The following LDLRAP1 variants were observed in gnomAD, a reference collection of about 807,000 sequenced individuals.
LDLRAP1 encodes low density lipoprotein receptor adapter protein 1.
Under a neutral mutation model 37.8 loss-of-function variants are expected in LDLRAP1, and 30 were observed. The ratio of observed to expected loss-of-function variants is 0.79; its 90% CI spans 0.59 to 1.08. LDLRAP1 has a LOEUF of 1.08. LDLRAP1 is among the 50% of genes least tolerant of loss of function. The pLI is 0.00. For missense variants in LDLRAP1, 375 were observed against 401.6 expected (o/e 0.93, Z 0.57); for synonymous variants, 156 against 169.8 (o/e 0.92, Z 0.63).
chr1:25,544,490 C>T lies in LDLRAP1; in HGVS notation c.88+704C>T, dbSNP rs1160232807. On this transcript the variant is annotated intron_variant, in intron 1 of 8. Transcript: ENST00000374338. This position sits in a 1 kb window ranked among gnomAD's most constrained non-coding sequence, Gnocchi z 4.8. Reference sequence around the variant, plus strand: ...ACTATTTTTGAAACCTGTTTTCTCTCGCACCTTTCCCCTCGGGCTTCCAGA... The same window carrying T: ...ACTATTTTTGAAACCTGTTTTCTCTTGCACCTTTCCCCTCGGGCTTCCAGA... Among the ~76,000 whole-genome samples, 4 of 152,222 alleles carry T rather than the reference C, an allele frequency of 2.6e-5. No homozygotes were observed. The highest frequency in any genetic ancestry group is 9.6e-5 in the African/African-American group (4 of 41,466).
rs2044540392 is a variant in LDLRAP1 at position 25,568,389 on chromosome 1, T to A, written c.*1397T>A. 6.6e-6 allele frequency: 1 copy of A among 152,290 alleles called. No individual in the cohort carries two copies. The highest frequency in any genetic ancestry group is 1.5e-5 in the Non-Finnish European group (1 of 68,078). The allele number at this position is 152,290 out of a possible 1,614,324, so 9.4% of individuals were successfully genotyped here. A position where few individuals can be genotyped will look rare whatever the true frequency, so the allele number is the denominator to read the frequency against. ...TTTCCTTCCTCCCCTTTTGCCCCCG[T>A]GGGGCTCCCGGCATCCTGAAAGCCA... On this transcript the variant is annotated 3_prime_UTR_variant, in exon 9 of 9. Transcript: ENST00000374338.
the LDLRAP1 span, among the ~76,000 whole-genome samples, chr1:25,582,332 A>T: frequency 2.6e-5 from 4 of 152,334 alleles, no homozygotes; most frequent in East Asian, 5.8e-4. Flanking sequence ...CACGCCTGTA[A>T]TCCCAGCACT....
Position 25,554,832 on chromosome 1 carries a change from A to G in LDLRAP1, c.232-28A>G. ...GGTGGGTCTCAAGTGAGGCTGGCAG[A>G]CTCCTCTGACTCCTGTCTGCTCCCA... On this transcript the variant is annotated intron_variant, in intron 2 of 8. Coordinates refer to ENST00000374338, the MANE Select transcript of LDLRAP1 (RefSeq NM_015627.3). This position sits in a 1 kb window ranked among gnomAD's most constrained non-coding sequence, Gnocchi z 5.4. The G allele has an allele frequency of 6.3e-7, 1 of 1,578,086 alleles. No homozygotes were observed. Among genetic ancestry groups the G allele is most frequent in the Non-Finnish European group, 8.7e-7 (1 of 1,149,016 alleles).
the LDLRAP1 span, among the ~76,000 whole-genome samples, chr1:25,582,980 G>A: frequency 6.6e-6 from 1 of 151,486 alleles, no homozygotes; most frequent in African/African-American, 2.4e-5. Context: ...GCTGAGGCAG[G>A]AGAATCACTT....
downstream of LDLRAP1, among the ~76,000 whole-genome samples, chr1:25,571,552 ATTG>A (rs1282822004): frequency 6.6e-6 from 1 of 152,190 alleles, no homozygotes; most frequent in Admixed American, 6.5e-5. Flanking sequence ...GCTTGCACGT[ATTG>A]TTAGCCCATT....
chr1:25,548,157 A>G (rs982432920), intron 1 of LDLRAP1, among the ~76,000 whole-genome samples: 1 of 152,136 alleles, frequency 6.6e-6, no homozygotes, highest in Non-Finnish European at 1.5e-5. Context: ...ACACTGATCT[A>G]TCCTGGACTC....
At chr1:25,588,724 C>T in the LDLRAP1 span, among the ~76,000 whole-genome samples, 5 of 152,098 alleles carry the variant, frequency 3.3e-5, no homozygotes, top group Admixed American at 6.5e-5. Context: ...TTTTCTTTCT[C>T]TATACTTTGT....
At chr1:25,579,863 C>T in the LDLRAP1 span, among the ~76,000 whole-genome samples, 7 of 152,178 alleles carry the variant, frequency 4.6e-5, no homozygotes, top group Non-Finnish European at 1.0e-4. Flanking sequence ...TGGATTTTCC[C>T]TTCCTTCAGC....
Position 25,544,680 on chromosome 1 carries a change from G to A in LDLRAP1, c.88+894G>A, listed in dbSNP as rs1006360032. Among the ~76,000 whole-genome samples the A allele has an allele frequency of 6.6e-6, 1 of 152,124 alleles. No homozygotes were observed. Among genetic ancestry groups the A allele is most frequent in the Non-Finnish European group, 1.5e-5 (1 of 68,040 alleles). ...CTGAAGCCAGAAGACCCAGCCTAGCGCAGGTCTCGTTGTTTGGGAGGGAGA... is the reference window on the plus strand; with the variant it reads ...CTGAAGCCAGAAGACCCAGCCTAGCACAGGTCTCGTTGTTTGGGAGGGAGA... On this transcript the variant is annotated intron_variant, in intron 1 of 8. Transcript: ENST00000374338. The surrounding 1 kb of genome is among the most constrained non-coding windows in gnomAD (Gnocchi z 4.8).
At chr1:25,560,223 AGGATGTTGAGGGCCTTGAATCG>A (rs1355864556) in intron 4 of LDLRAP1, among the ~76,000 whole-genome samples, 14 of 152,050 alleles carry the variant, frequency 9.2e-5, no homozygotes, top group Non-Finnish European at 2.1e-4. Flanking sequence ...GCCTTGAATC[AGGATGTTGAGGGCCTTGAATCG>A]GGATGTTGAC....
chr1:25,589,654 T>C, the LDLRAP1 span, among the ~76,000 whole-genome samples: 25 of 152,320 alleles, frequency 1.6e-4, no homozygotes, highest in African/African-American at 5.3e-4. Flanking sequence ...GGGACCTCCA[T>C]CTTCTCCCGC....
At chr1:25,560,562 C>T (rs78368026) in intron 4 of LDLRAP1, among the ~76,000 whole-genome samples, 2,570 of 152,284 alleles carry the variant, frequency 0.017, 59 homozygotes, top group African/African-American at 0.046. Context: ...AGTGCTACCC[C>T]CATTTCCACC....
intron 7 of LDLRAP1, chr1:25,564,533 TA>T (rs1293660214): frequency 6.4e-6 from 1 of 155,608 alleles, no homozygotes; most frequent in African/African-American, 2.4e-5. Context: ...AATCACATGT[TA>T]ACTTGTCGTC....
chr1:25,543,639 G>A lies in LDLRAP1; in HGVS notation c.-60G>A, dbSNP rs1331561598. 3 of 1,148,758 alleles carry A rather than the reference G, an allele frequency of 2.6e-6. No individual in the cohort carries two copies. The highest frequency in any genetic ancestry group is 4.4e-5 in the Admixed American group (1 of 22,492). The allele number at this position is 1,148,758 out of a possible 1,614,324, so 71.2% of individuals were successfully genotyped here. A position where few individuals can be genotyped will look rare whatever the true frequency, so the allele number is the denominator to read the frequency against. ...CAGCCCGCGCGCCGCAGGGCCGGGC[G>A]GAAAGTTTTTCCTGACGGAGTTTTG... On this transcript the variant is annotated 5_prime_UTR_variant, in exon 1 of 9. Coordinates refer to ENST00000374338, the MANE Select transcript of LDLRAP1 (RefSeq NM_015627.3).
chr1:25,581,750 C>T, the LDLRAP1 span: 43,888 of 152,210 alleles, frequency 0.29, 6,910 homozygotes, highest in East Asian at 0.43. Context: ...TGACCTGGAC[C>T]GCATCCCGGT....
intron 7 of LDLRAP1, 49 bp from the exon 8 acceptor site, chr1:25,565,124 A>G (rs750863561): frequency 3.1e-6 from 5 of 1,599,986 alleles, no homozygotes; most frequent in Non-Finnish European, 3.4e-6. Context: ...AGCTGTGAGC[A>G]TGGGCTCCCC....
At chr1:25,557,590 G>T (rs2044237826) in intron 4 of LDLRAP1, among the ~76,000 whole-genome samples, 1 of 152,132 alleles carries the variant, frequency 6.6e-6, no homozygotes, top group South Asian at 2.1e-4. Context: ...ATGGTCTAGG[G>T]ATGCAGGGCC....
chr1:25,545,810 C>T (rs191127916), intron 1 of LDLRAP1, among the ~76,000 whole-genome samples: 1 of 152,288 alleles, frequency 6.6e-6, no homozygotes, highest in Admixed American at 6.5e-5. Context: ...AGTGGAATTG[C>T]GTTTGCCTGG....
At chr1:25,565,688 T>C (rs144558337) in intron 8 of LDLRAP1, among the ~76,000 whole-genome samples, 1 of 152,316 alleles carries the variant, frequency 6.6e-6, no homozygotes, top group Non-Finnish European at 1.5e-5. Flanking sequence ...GTATAGCCTT[T>C]GGTGGCATTT....
Sources: allele counts gnomAD v4.1 joint callset (sites outside exome capture counted in the v4.1 genomes callset), GRCh38; gene constraint gnomAD v4.1.1; non-coding constraint Gnocchi (gnomAD v3.1); transcripts MANE v1.5; gene names NCBI Gene and HGNC (gene_info 2026-07-23, HGNC 2026-07-21).